CDK13: variants seen among roughly 807,000 people sequenced by gnomAD.
CDK13 encodes the protein cyclin dependent kinase 13.
Under a neutral mutation model 137.6 loss-of-function variants are expected in CDK13, and 40 were observed. The ratio of observed to expected loss-of-function variants is 0.29; its 90% CI spans 0.23 to 0.38. The LOEUF (loss-of-function observed/expected upper bound fraction) is 0.38. CDK13 is among the 10% of genes least tolerant of loss of function. The pLI is 1.00. For missense variants in CDK13, 1,704 were observed against 1,951.8 expected, an observed-to-expected ratio of 0.87 and a Z score of 2.39; for synonymous variants, 869 against 760.1, an observed-to-expected ratio of 1.14 and a Z score of -2.36.
Position 39,950,755 on chromosome 7 carries a change from G to T in CDK13, c.114G>T (p.Pro38=), listed in dbSNP as rs1255463227. ...RRRFLSPQQP[P]LLLPLLQPQL... is the part of the protein sequence containing the mutation. ...GATTCCTGTCCCCTCAGCAGCCGCCGCTGCTGTTGCCGCTCCTGCAGCCGC... is the reference window on the plus strand; with the variant it reads ...GATTCCTGTCCCCTCAGCAGCCGCCTCTGCTGTTGCCGCTCCTGCAGCCGC... The change falls in exon 1 of 14, where the codon CCG becomes CCT. Residue 38 remains proline (P), a synonymous_variant. Coordinates refer to ENST00000181839, the MANE Select transcript of CDK13 (RefSeq NM_003718.5). The T allele has an allele frequency of 5.4e-6, 8 of 1,476,010 alleles. No homozygotes were observed. The highest frequency in any genetic ancestry group is 7.1e-6 in the Non-Finnish European group (8 of 1,121,270). The allele number at this position is 1,476,010 out of a possible 1,614,324, so 91.4% of individuals were successfully genotyped here.
chr7:40,033,836 A>G (rs138294586), intron 5 of CDK13, among the ~76,000 whole-genome samples: 1 of 152,158 alleles, frequency 6.6e-6, no homozygotes, highest in African/African-American at 2.4e-5. Context: ...AAGTACTTCT[A>G]AGTTTTGGTT....
In CDK13 at chr7:39,950,784, T is replaced by TCCTGCAACCGCCGCCGCC. The variant is rs1375226199; in HGVS notation, c.146_163dup (p.Leu49_Pro54dup). 1.4e-6 allele frequency: 2 copies of TCCTGCAACCGCCGCCGCC among 1,468,938 alleles called. No individual in the cohort carries two copies. Among genetic ancestry groups the TCCTGCAACCGCCGCCGCC allele is most frequent in the Non-Finnish European group, 1.8e-6 (2 of 1,117,614 alleles). The allele number at this position is 1,468,938 out of a possible 1,614,324, so 91.0% of individuals were successfully genotyped here. ...CTGTTGCCGCTCCTGCAGCCGCAGC[T>TCCTGCAACCGCCGCCGCC]CCTGCAACCGCCGCCGCCCCCGCCG... On this transcript the variant is annotated inframe_insertion, in exon 1 of 14. Coordinates refer to ENST00000181839, the MANE Select transcript of CDK13 (RefSeq NM_003718.5).
At chr7:40,046,576 GGT>G (rs1785745766) in intron 6 of CDK13, among the ~76,000 whole-genome samples, 1 of 152,156 alleles carries the variant, frequency 6.6e-6, no homozygotes, top group Admixed American at 6.5e-5. Context: ...GAATCTAGGA[GGT>G]GGAGGTTGCA....
At position 40,053,591 on chromosome 7, in the gene CDK13, A is replaced by T. The variant is rs542910416; in HGVS notation, c.2600+5714A>T. On this transcript the variant is annotated intron_variant, in intron 7 of 13. Transcript: ENST00000181839. Reference sequence around the variant, plus strand: ...TATACTTCTCACCTGAGTTTGACAAATTTTTTTTTTCTTTCAGTGTGCAAT... The same window carrying T: ...TATACTTCTCACCTGAGTTTGACAATTTTTTTTTTTCTTTCAGTGTGCAAT... Among the ~76,000 whole-genome samples, 20 of 150,000 alleles carry T rather than the reference A, an allele frequency of 1.3e-4. 1 individual carries two copies. The South Asian group carries it at 3.8e-3, about 29-fold the overall frequency.
intron 9 of CDK13, among the ~76,000 whole-genome samples, chr7:40,076,769 G>A (rs993395261): frequency 3.3e-5 from 5 of 152,122 alleles, no homozygotes; most frequent in African/African-American, 1.2e-4. Flanking sequence ...CTAAAAAAAT[G>A]TCTGGCAACT....
chr7:40,043,029 C>G (rs762148996), intron 5 of CDK13, among the ~76,000 whole-genome samples: 2 of 152,326 alleles, frequency 1.3e-5, no homozygotes, highest in East Asian at 1.9e-4. Flanking sequence ...CCTCTCGCCC[C>G]GATCTCCCAA....
In CDK13 at chr7:39,950,640, C is replaced by A; in HGVS notation, c.-2C>A. 1 of 1,323,418 alleles carries A rather than the reference C, an allele frequency of 7.6e-7. No individual in the cohort carries two copies. Among genetic ancestry groups the A allele is most frequent in the Non-Finnish European group, 9.6e-7 (1 of 1,038,862 alleles). 82.0% of individuals were successfully genotyped at this position (1,323,418 alleles called of 1,614,324 possible). ...GCCGCGCTCTGCGGCTGGCTCTAGG[C>A]GATGCCGAGCAGCTCGGACACGGCG... On this transcript the variant is annotated 5_prime_UTR_variant, in exon 1 of 14. Transcript: ENST00000181839.
chr7:39,997,740 A>T (rs926456512), intron 3 of CDK13, 76 bp downstream of exon 3: 1 of 1,063,016 alleles, frequency 9.4e-7, no homozygotes, highest in Non-Finnish European at 1.4e-6. Flanking sequence ...TAAAACACTA[A>T]ATTAAGGTTT....
At chr7:40,023,504 CTT>C (rs70996872) in intron 5 of CDK13, among the ~76,000 whole-genome samples, 4 of 145,320 alleles carry the variant, frequency 2.8e-5, no homozygotes, top group East Asian at 2.0e-4. Context: ...GGATTGATCT[CTT>C]TTTTTTTTTT....
At chr7:40,027,489 C>T (rs1363031882) in intron 5 of CDK13, among the ~76,000 whole-genome samples, 2 of 152,094 alleles carry the variant, frequency 1.3e-5, no homozygotes, top group African/African-American at 4.8e-5. Flanking sequence ...TGGGTCTAAC[C>T]ACATTTCAAC....
intron 5 of CDK13, among the ~76,000 whole-genome samples, chr7:40,015,071 A>C (rs1784976622): frequency 6.6e-6 from 1 of 152,222 alleles, no homozygotes; most frequent in Non-Finnish European, 1.5e-5. Flanking sequence ...TTTAGTTAAG[A>C]TACACCAAAT....
chr7:40,068,505 C>A (rs1222433148), intron 9 of CDK13, among the ~76,000 whole-genome samples: 1 of 151,378 alleles, frequency 6.6e-6, no homozygotes, highest in African/African-American at 2.4e-5. Context: ...ACCAGCCTTG[C>A]CAACATGGTG....
At chr7:40,036,195 C>CACACACAT (rs1266435851) in intron 5 of CDK13, among the ~76,000 whole-genome samples, 1 of 147,896 alleles carries the variant, frequency 6.8e-6, no homozygotes, top group Non-Finnish European at 1.5e-5. Flanking sequence ...CACACACACA[C>CACACACAT]ACATATAAAA....
chr7:40,055,193 T>G (rs1785987026), intron 7 of CDK13, among the ~76,000 whole-genome samples: 1 of 151,778 alleles, frequency 6.6e-6, no homozygotes, highest in South Asian at 2.1e-4. Flanking sequence ...TGTGTGTGTG[T>G]GTGTTTTCCT....
At chr7:40,076,690 C>T (rs1037338759) in intron 9 of CDK13, among the ~76,000 whole-genome samples, 2 of 151,924 alleles carry the variant, frequency 1.3e-5, no homozygotes, top group African/African-American at 4.8e-5. Context: ...ATTTCAGTGA[C>T]ATACGGCTTT....
chr7:39,987,355 T>C (rs1451151701), intron 1 of CDK13, among the ~76,000 whole-genome samples: 1 of 152,192 alleles, frequency 6.6e-6, no homozygotes, highest in Non-Finnish European at 1.5e-5. Flanking sequence ...TTGTCACATT[T>C]TTCGTCCTAA....
At chr7:39,990,039 C>T (rs2116278160) in intron 2 of CDK13, among the ~76,000 whole-genome samples, 1 of 152,320 alleles carries the variant, frequency 6.6e-6, no homozygotes, top group East Asian at 1.9e-4. Context: ...TTGCCTTGGC[C>T]TCCCAAAGTG....
chr7:40,047,758 A>G, intron 6 of CDK13, 63 bp from the exon 7 acceptor site: 1 of 1,105,064 alleles, frequency 9.0e-7, no homozygotes, highest in African/African-American at 1.5e-5. Flanking sequence ...ATAGAATATA[A>G]ATGTGTATTG....
At chr7:40,079,112 A>G (rs1317638865) in intron 11 of CDK13, among the ~76,000 whole-genome samples, 2 of 151,700 alleles carry the variant, frequency 1.3e-5, no homozygotes, top group African/African-American at 2.4e-5. Context: ...TTAATAATAT[A>G]TTTCAACTCT....
Sources: gnomAD v4.1 joint callset for allele counts (sites outside exome capture counted in the v4.1 genomes callset) on GRCh38, gnomAD v4.1.1 for gene constraint, MANE v1.5 for transcripts, NCBI Gene and HGNC (gene_info 2026-07-23, HGNC 2026-07-21) for gene names.